The following ZFAND2A variants were observed in gnomAD, a reference collection of about 807,000 sequenced individuals.
ZFAND2A encodes zinc finger AN1-type containing 2A.
A neutral mutation model predicts 11.6 loss-of-function variants in ZFAND2A; 20 were observed. The observed-to-expected ratio is 1.72, with a 90% CI of 1.21 to 2.50. The LOEUF (loss-of-function observed/expected upper bound fraction) is 2.50, where lower values mean the gene tolerates loss of function less well. Among genes scored for constraint, ZFAND2A ranks in the 30% most tolerant of loss-of-function variants. ZFAND2A has a pLI of 0.00. For missense variants in ZFAND2A, 234 were observed against 182.9 expected, an observed-to-expected ratio of 1.28 and a Z score of -1.61; for synonymous variants, 93 against 60.6, an observed-to-expected ratio of 1.54 and a Z score of -2.48.
chr7:1,154,575 A>T (rs1793478079), intron 4 of ZFAND2A, among the ~76,000 whole-genome samples: 1 of 152,220 alleles, frequency 6.6e-6, no homozygotes, highest in Non-Finnish European at 1.5e-5. Context: ...TGAGGGTCCC[A>T]GGGCACAGCC....
chr7:1,154,593 G>C (rs181783967), intron 4 of ZFAND2A, among the ~76,000 whole-genome samples: 1 of 152,338 alleles, frequency 6.6e-6, no homozygotes, highest in East Asian at 1.9e-4. Context: ...GCCACAGCAG[G>C]GAGAGCTAGA....
At chr7:1,158,318 A>C (rs1242634237) in intron 1 of ZFAND2A, 61 bp from the exon 2 acceptor site, 4 of 1,015,032 alleles carry the variant, frequency 3.9e-6, no homozygotes, top group Non-Finnish European at 6.1e-6. Flanking sequence ...ACCAGGATTT[A>C]CAATGTAATT....
chr7:1,158,319 C>A, intron 1 of ZFAND2A, 62 bp from the exon 2 acceptor site: 1 of 1,009,048 alleles, frequency 9.9e-7, no homozygotes, highest in Non-Finnish European at 1.5e-6. Context: ...CCAGGATTTA[C>A]AATGTAATTA....
At position 1,155,553 on chromosome 7, in the gene ZFAND2A, T is replaced by C. The variant is rs1793505170; in HGVS notation, c.182A>G (p.Asn61Ser). The change falls in exon 4 of 5, where the codon AAT (asparagine) becomes AGT (serine). Residue 61 changes from asparagine to serine, a missense_variant. Coordinates refer to ENST00000316495, the MANE Select transcript of ZFAND2A (RefSeq NM_182491.4). ...DVHVPVCPLC[N>S]TPIPVKKGQI... is the part of the protein sequence containing the mutation. ...GCCCTTTTTTACTGGGATGGGGGTA[T>C]TACAGAGTGGGCATACTGGGACGTG... The C allele has an allele frequency of 1.2e-6, 2 of 1,613,810 alleles. No individual in the cohort carries two copies. The highest frequency in any genetic ancestry group is 1.7e-5 in the Admixed American group (1 of 59,984).
chr7:1,154,166 C>T (rs1400221832), intron 4 of ZFAND2A, among the ~76,000 whole-genome samples: 2 of 151,186 alleles, frequency 1.3e-5, no homozygotes, highest in Non-Finnish European at 2.9e-5. Flanking sequence ...TCTATCATGT[C>T]CCAGTACCCA....
downstream of ZFAND2A, among the ~76,000 whole-genome samples, chr7:1,151,762 T>TAAA (rs530920394): frequency 3.4e-5 from 3 of 87,158 alleles, 1 homozygote; most frequent in African/African-American, 1.7e-4. Flanking sequence ...TCATCCCTTT[T>TAAA]AAAAAAAAAA....
rs144575182 is a variant in ZFAND2A, at chr7:1,157,783, G to A, written c.56-33C>T. On this transcript the variant is annotated intron_variant, in intron 2 of 4. Transcript: ENST00000316495. Reference sequence around the variant, plus strand: ...ACAAAAAACAGGGAAGTGTTTTAACGACTGGAACAAAATACTTCCAGATAG... The same window carrying A: ...ACAAAAAACAGGGAAGTGTTTTAACAACTGGAACAAAATACTTCCAGATAG... 854 of 1,472,162 alleles carry A rather than the reference G, an allele frequency of 5.8e-4. 5 individuals are homozygous for A. The African/African-American group carries it at 9.9e-3, about 17-fold the overall frequency. 91.2% of individuals were successfully genotyped at this position (1,472,162 alleles called of 1,614,324 possible).
At chr7:1,151,762 T>TTTAAAAAAAAAAAA (rs1554344524), downstream of ZFAND2A, among the ~76,000 whole-genome samples, 1 of 87,158 alleles carries the variant, frequency 1.1e-5, no homozygotes, top group African/African-American at 5.6e-5. Flanking sequence ...TCATCCCTTT[T>TTTAAAAAAAAAAAA]AAAAAAAAAA....
In ZFAND2A at chr7:1,153,068, C is replaced by T. The variant is rs773419734; in HGVS notation, c.*1G>A. 1.9e-6 allele frequency: 3 copies of T among 1,614,190 alleles called. No homozygotes were observed. Among genetic ancestry groups the T allele is most frequent in the South Asian group, 1.1e-5 (1 of 91,084 alleles). ...CCGAGCCATCGCAGCGGAGTCTCTT[C>T]TCACCCAGCTTTGATGGTGGGGCGA... On this transcript the variant is annotated 3_prime_UTR_variant, in exon 5 of 5. Transcript: ENST00000316495.
chr7:1,155,499 T>C lies in ZFAND2A; in HGVS notation c.236A>G (p.His79Arg), dbSNP rs781774083. 6.2e-7 allele frequency: 1 copy of C among 1,613,970 alleles called. No homozygotes were observed. Residue 79 changes from histidine (H) to arginine (R), a missense_variant, in exon 4 of 5, where the codon CAC (histidine) becomes CGC (arginine). Coordinates refer to ENST00000316495, the MANE Select transcript of ZFAND2A (RefSeq NM_182491.4). ...GQIPDVVVGD[H>R]IDRDCDSHPG... ...GTGAGAGTCACAGTCTCTGTCAATG[T>C]GATCACCAACCACCACGTCTGGTAT...
At chr7:1,158,782 G>A (rs893633092) in intron 1 of ZFAND2A, among the ~76,000 whole-genome samples, 2 of 152,170 alleles carry the variant, frequency 1.3e-5, no homozygotes, top group African/African-American at 4.8e-5. Context: ...AAGCTGTTAA[G>A]TCACTATGGA....
downstream of ZFAND2A, among the ~76,000 whole-genome samples, chr7:1,150,146 TTG>T (rs1021053062): frequency 1.3e-4 from 20 of 151,354 alleles, no homozygotes; most frequent in African/African-American, 4.8e-4. Flanking sequence ...GCAAAAAAGT[TTG>T]TCAGATTAAA....
At chr7:1,155,303 A>T in intron 4 of ZFAND2A, 150 bp downstream of exon 4, 3 of 1,087,136 alleles carry the variant, frequency 2.8e-6, no homozygotes, top group Non-Finnish European at 3.7e-6. Context: ...GGCCCCTCGC[A>T]GTTTAGGACA....
At chr7:1,151,776 C>CAAAAAAAAAAAAAA (rs1563158643), downstream of ZFAND2A, among the ~76,000 whole-genome samples, 100 of 52,532 alleles carry the variant, frequency 1.9e-3, no homozygotes, top group Middle Eastern at 7.6e-3. Context: ...AAAAAAAAAG[C>CAAAAAAAAAAAAAA]AAAGCCAGCC....
rs1161099309 is a variant in ZFAND2A at position 1,153,072 on chromosome 7, C to A, written c.435G>T (p.Gly145=). Reference sequence around the variant, plus strand: ...GCCATCGCAGCGGAGTCTCTTCTCACCCAGCTTTGATGGTGGGGCGACTCC... The same window carrying A: ...GCCATCGCAGCGGAGTCTCTTCTCAACCAGCTTTGATGGTGGGGCGACTCC... ...RHGSRPTIKA[G] The change falls in exon 5 of 5, where the codon GGG becomes GGT. Residue 145 remains glycine, a synonymous_variant. Coordinates refer to ENST00000316495, the MANE Select transcript of ZFAND2A (RefSeq NM_182491.4). The A allele has an allele frequency of 1.2e-6, 2 of 1,614,182 alleles. No homozygotes were observed. Among genetic ancestry groups the A allele is most frequent in the Non-Finnish European group, 1.7e-6 (2 of 1,180,036 alleles).
In ZFAND2A at chr7:1,155,444, T is replaced by C. The variant is rs997382740; in HGVS notation, c.282+9A>G. 34 of 1,611,180 alleles carry C rather than the reference T, an allele frequency of 2.1e-5. No individual in the cohort carries two copies. Among genetic ancestry groups the C allele is most frequent in the Non-Finnish European group, 2.9e-5 (34 of 1,178,878 alleles). ...CAGATGAAGGAACTGAGGCGGGCTC[T>C]GTCCTTACCTTCTCTTTCTTCTTCC... On this transcript the variant is annotated intron_variant, in intron 4 of 4. Coordinates refer to ENST00000316495, the MANE Select transcript of ZFAND2A (RefSeq NM_182491.4).
intron 1 of ZFAND2A, among the ~76,000 whole-genome samples, chr7:1,158,884 C>T (rs538665409): frequency 9.2e-5 from 14 of 152,146 alleles, no homozygotes; most frequent in African/African-American, 3.4e-4. Flanking sequence ...CACCAGCCCT[C>T]CCGGGGCCTT....
chr7:1,152,358 G>T (rs1315029306), downstream of ZFAND2A: 1 of 1,547,904 alleles, frequency 6.5e-7, no homozygotes, highest in Admixed American at 1.9e-5. Flanking sequence ...CAGAGAGGGT[G>T]GATGGATCAG....
At chr7:1,151,334 C>A (rs977593038), downstream of ZFAND2A, among the ~76,000 whole-genome samples, 70 of 152,156 alleles carry the variant, frequency 4.6e-4, no homozygotes, top group African/African-American at 1.6e-3. Flanking sequence ...CACCTGTGGC[C>A]GCCGCTGGAC....
Sources: allele counts gnomAD v4.1 joint callset (sites outside exome capture counted in the v4.1 genomes callset), GRCh38; gene constraint gnomAD v4.1.1; transcripts MANE v1.5; gene names NCBI Gene and HGNC (gene_info 2026-07-23, HGNC 2026-07-21).